DGKB: variants seen among roughly 807,000 people sequenced by gnomAD.
DGKB encodes the protein diacylglycerol kinase beta.
DGKB carries 67 observed loss-of-function variants against 114.3 expected under a neutral mutation model. The ratio of observed to expected loss-of-function variants is 0.59; its 90% CI spans 0.48 to 0.72. The LOEUF (loss-of-function observed/expected upper bound fraction) is 0.72. Ranked by LOEUF, DGKB falls within the 30% of genes least tolerant of loss-of-function variation. The probability of loss-of-function intolerance (pLI) is 0.00; values close to 1 mark genes in which losing one functional copy is unlikely to be tolerated. For synonymous variants in DGKB, 398 were observed against 323.1 expected, an observed-to-expected ratio of 1.23 and a Z score of -2.49; for missense variants, 907 against 975.2, an observed-to-expected ratio of 0.93 and a Z score of 0.93.
intron 13 of DGKB, among the ~76,000 whole-genome samples, chr7:14,653,657 T>TA (rs201785873): frequency 1.5e-4 from 22 of 146,960 alleles, no homozygotes; most frequent in East Asian, 7.9e-4. Context: ...AAGTATAATT[T>TA]AAAAAAAAAA....
intron 23 of DGKB, among the ~76,000 whole-genome samples, chr7:14,224,582 A>T (rs966353349): frequency 2.0e-5 from 3 of 151,836 alleles, no homozygotes; most frequent in Non-Finnish European, 4.4e-5. Context: ...TTGTATTAGA[A>T]ACTTGACACT....
At chr7:14,633,620 A>C (rs746607569) in intron 13 of DGKB, among the ~76,000 whole-genome samples, 6 of 151,862 alleles carry the variant, frequency 4.0e-5, no homozygotes, top group Non-Finnish European at 8.8e-5. Context: ...TAATTTTTAA[A>C]TATCAAAGAT....
At chr7:14,904,648 C>G (rs1010564572), upstream of DGKB, among the ~76,000 whole-genome samples, 1 of 152,098 alleles carries the variant, frequency 6.6e-6, no homozygotes, top group Non-Finnish European at 1.5e-5. Context: ...TTATCAGAGG[C>G]TAATATTTTG....
chr7:14,653,911 A>T (rs1815204883), intron 13 of DGKB, among the ~76,000 whole-genome samples: 1 of 152,120 alleles, frequency 6.6e-6, no homozygotes, highest in Non-Finnish European at 1.5e-5. Context: ...ATTTATGACA[A>T]ACCCACAACT....
At chr7:14,471,774 G>T (rs1028856197) in intron 21 of DGKB, among the ~76,000 whole-genome samples, 7 of 151,932 alleles carry the variant, frequency 4.6e-5, no homozygotes, top group Non-Finnish European at 8.8e-5. Flanking sequence ...AAGGTAGTAA[G>T]ATATATAGAA....
chr7:14,423,342 A>T (rs1659619929), intron 21 of DGKB, among the ~76,000 whole-genome samples: 1 of 152,042 alleles, frequency 6.6e-6, no homozygotes, highest in African/African-American at 2.4e-5. Context: ...AAATGTCAAA[A>T]AGAATGGTGT....
At chr7:14,696,232 G>C (rs1244660552) in intron 8 of DGKB, among the ~76,000 whole-genome samples, 2 of 152,056 alleles carry the variant, frequency 1.3e-5, no homozygotes, top group East Asian at 3.9e-4. Flanking sequence ...GGTGGCTCAC[G>C]CCTGTAATCC....
intron 23 of DGKB, among the ~76,000 whole-genome samples, chr7:14,307,191 G>C (rs1244860798): frequency 8.0e-6 from 1 of 125,266 alleles, no homozygotes; most frequent in African/African-American, 2.9e-5. Flanking sequence ...ATTTAATTGT[G>C]TCTGGACTAT....
intron 23 of DGKB, among the ~76,000 whole-genome samples, chr7:14,203,164 A>G (rs1297188061): frequency 2.2e-4 from 33 of 150,568 alleles, no homozygotes; most frequent in South Asian, 2.1e-4. Context: ...CAGTAGCCAA[A>G]AAAAAAAAAA....
In DGKB at chr7:14,441,243, C is replaced by T. The variant is rs573157664; in HGVS notation, c.1835+36918G>A. ...TAGGCTGGTCTTGAACTGAACTCAA[C>T]TGATCTGCCCATCTCAGCCTCCCGA... On this transcript the variant is annotated intron_variant, in intron 21 of 25. Coordinates refer to ENST00000402815, the MANE Select transcript of DGKB (RefSeq NM_001350709.2). Among the ~76,000 whole-genome samples, 20 of 152,090 alleles carry T rather than the reference C, an allele frequency of 1.3e-4. No homozygotes were observed. In the South Asian group the frequency reaches 4.2e-3, roughly 32 times the overall value.
intron 21 of DGKB, among the ~76,000 whole-genome samples, chr7:14,398,506 G>A (rs771694201): frequency 3.9e-5 from 6 of 152,150 alleles, no homozygotes; most frequent in Non-Finnish European, 7.4e-5. Flanking sequence ...GCGAGGCAAA[G>A]CTATAAAATT....
chr7:14,280,861 G>T (rs370429592), intron 23 of DGKB, among the ~76,000 whole-genome samples: 1 of 150,798 alleles, frequency 6.6e-6, no homozygotes, highest in Non-Finnish European at 1.5e-5. Context: ...CTGAAGGAAG[G>T]GCTAAACATG....
At chr7:14,674,056 T>G (rs1466429783) in intron 12 of DGKB, among the ~76,000 whole-genome samples, 5 of 152,146 alleles carry the variant, frequency 3.3e-5, no homozygotes, top group Admixed American at 3.3e-4. Context: ...TGAGAGTTGA[T>G]TTATTTTTAG....
At chr7:14,869,471 G>T (rs574278283) in intron 1 of DGKB, among the ~76,000 whole-genome samples, 12 of 151,934 alleles carry the variant, frequency 7.9e-5, no homozygotes, top group Non-Finnish European at 1.3e-4. Flanking sequence ...AACATTCTTT[G>T]TATTTTTACA....
chr7:14,637,334 T>G (rs1317509787), intron 13 of DGKB, among the ~76,000 whole-genome samples: 4 of 151,924 alleles, frequency 2.6e-5, no homozygotes, highest in Admixed American at 2.6e-4. Context: ...ATAGTTCTGG[T>G]AATAAAAATT....
chr7:14,901,845 G>T (rs1170668649), intron 1 of DGKB, among the ~76,000 whole-genome samples: 1 of 152,104 alleles, frequency 6.6e-6, no homozygotes, highest in Admixed American at 6.6e-5. Context: ...AGTTGAAGTT[G>T]TTTTATAAAA....
chr7:14,297,555 C>T (rs1434351917), intron 23 of DGKB, among the ~76,000 whole-genome samples: 1 of 152,072 alleles, frequency 6.6e-6, no homozygotes, highest in African/African-American at 2.4e-5. Flanking sequence ...AAACGTATCT[C>T]AAAATAATAA....
At chr7:14,473,456 A>G (rs1781716396) in intron 21 of DGKB, among the ~76,000 whole-genome samples, 1 of 152,158 alleles carries the variant, frequency 6.6e-6, no homozygotes, top group Non-Finnish European at 1.5e-5. Context: ...CAGGGGCAGG[A>G]CTCTCACAGA....
chr7:14,958,476 C>CACACACACACACACACACACACA (rs3036023), intron 1 of DGKB, among the ~76,000 whole-genome samples: 1 of 148,536 alleles, frequency 6.7e-6, no homozygotes, highest in Non-Finnish European at 1.5e-5. Flanking sequence ...CACACACACA[C>CACACACACACACACACACACACA]CCCGTCCAGG....
Sources: gnomAD v4.1 joint callset for allele counts (sites outside exome capture counted in the v4.1 genomes callset) on GRCh38, gnomAD v4.1.1 for gene constraint, MANE v1.5 for transcripts, NCBI Gene and HGNC (gene_info 2026-07-23, HGNC 2026-07-21) for gene names.